Variants in SLIT3 observed in about 807,000 individuals in gnomAD.
SLIT3 encodes slit guidance ligand 3.
Under a neutral mutation model 184.0 loss-of-function variants are expected in SLIT3, and 68 were observed. The observed-to-expected ratio is 0.37, with a 90% CI of 0.30 to 0.45. The LOEUF is 0.45. SLIT3 is among the 20% of genes least tolerant of loss of function. The pLI is 1.00. For synonymous variants in SLIT3, 831 were observed against 828.6 expected, an observed-to-expected ratio of 1.00 and a Z score of -0.05; for missense variants, 1,707 against 2,026.0, an observed-to-expected ratio of 0.84 and a Z score of 3.02.
intron 3 of SLIT3, among the ~76,000 whole-genome samples, chr5:169,207,047 T>G (rs1764094281): frequency 1.4e-5 from 2 of 145,466 alleles, no homozygotes; most frequent in South Asian, 4.4e-4. Flanking sequence ...TCCTTATTCT[T>G]TTTTTTTTTT....
At chr5:168,766,385 G>A (rs1755346719) in intron 14 of SLIT3, among the ~76,000 whole-genome samples, 1 of 152,246 alleles carries the variant, frequency 6.6e-6, no homozygotes, top group Non-Finnish European at 1.5e-5. Flanking sequence ...AGGGTCATAA[G>A]TGATGAATGA....
chr5:168,888,769 G>T (rs933069907), intron 4 of SLIT3, among the ~76,000 whole-genome samples: 1 of 152,132 alleles, frequency 6.6e-6, no homozygotes, highest in Non-Finnish European at 1.5e-5. Context: ...GATCTTCAAA[G>T]CATTTATGTT....
chr5:169,183,454 T>A (rs1312098772), intron 4 of SLIT3, among the ~76,000 whole-genome samples: 1 of 152,180 alleles, frequency 6.6e-6, no homozygotes, highest in Non-Finnish European at 1.5e-5. Flanking sequence ...CCTACATGCC[T>A]CCTTTCTTGC....
chr5:169,009,714 A>G (rs1395880425), intron 4 of SLIT3, among the ~76,000 whole-genome samples: 1 of 152,224 alleles, frequency 6.6e-6, no homozygotes, highest in Non-Finnish European at 1.5e-5. Context: ...CACTTACTTC[A>G]GGTAAGACAT....
chr5:168,973,246 T>TATA (rs1554086475), intron 4 of SLIT3, among the ~76,000 whole-genome samples: 1 of 144,808 alleles, frequency 6.9e-6, no homozygotes, highest in East Asian at 2.0e-4. Flanking sequence ...AAATTTTAAT[T>TATA]ATTATTATTA....
intron 4 of SLIT3, among the ~76,000 whole-genome samples, chr5:169,062,808 C>A (rs1196965842): frequency 6.6e-6 from 1 of 152,182 alleles, no homozygotes; most frequent in Non-Finnish European, 1.5e-5. Flanking sequence ...TCATTTCCCC[C>A]TTCATGTTCC....
chr5:168,966,387 C>A (rs549609635), intron 4 of SLIT3, among the ~76,000 whole-genome samples: 2 of 151,230 alleles, frequency 1.3e-5, no homozygotes, highest in South Asian at 4.2e-4. Flanking sequence ...AAGAGAAAGG[C>A]AAAGCTTTGG....
At chr5:169,138,275 T>G (rs1051443584) in intron 4 of SLIT3, among the ~76,000 whole-genome samples, 4 of 152,204 alleles carry the variant, frequency 2.6e-5, no homozygotes, top group Non-Finnish European at 5.9e-5. Context: ...CTGGGCGATG[T>G]GACCTACAGC....
chr5:169,175,047 T>C (rs957264949), intron 4 of SLIT3, among the ~76,000 whole-genome samples: 9 of 152,208 alleles, frequency 5.9e-5, no homozygotes, highest in Non-Finnish European at 4.4e-5. Flanking sequence ...GGTGGGTCTG[T>C]GGATCCCACT....
At chr5:169,011,087 A>G (rs1331571852) in intron 4 of SLIT3, among the ~76,000 whole-genome samples, 1 of 152,170 alleles carries the variant, frequency 6.6e-6, no homozygotes, top group East Asian at 1.9e-4. Flanking sequence ...CTCTAAGTCT[A>G]TAAGGGCCGA....
chr5:168,772,362 A>C (rs1755585828), intron 14 of SLIT3: 1 of 195,324 alleles, frequency 5.1e-6, no homozygotes, highest in Non-Finnish European at 1.1e-5. Context: ...CCAAGATTAC[A>C]CACCGTCTGT....
chr5:168,861,755 G>T (rs1242130777), intron 5 of SLIT3, among the ~76,000 whole-genome samples: 2 of 152,218 alleles, frequency 1.3e-5, no homozygotes, highest in African/African-American at 4.8e-5. Context: ...TGTAAATGCT[G>T]TGAAGCAATT....
At chr5:169,038,470 C>G (rs1192602777) in intron 4 of SLIT3, among the ~76,000 whole-genome samples, 1 of 152,162 alleles carries the variant, frequency 6.6e-6, no homozygotes, top group East Asian at 1.9e-4. Flanking sequence ...ATGGGGTTTA[C>G]AAAAGGAAGA....
intron 4 of SLIT3, among the ~76,000 whole-genome samples, chr5:169,066,942 G>GAA (rs60977256): frequency 0.026 from 2,062 of 80,384 alleles, 63 homozygotes; most frequent in African/African-American, 0.069. Context: ...TCCCTTTCCT[G>GAA]AAAAAAAAAA....
At chr5:169,116,468 A>C (rs1391522603) in intron 4 of SLIT3, among the ~76,000 whole-genome samples, 1 of 152,218 alleles carries the variant, frequency 6.6e-6, no homozygotes, top group Non-Finnish European at 1.5e-5. Flanking sequence ...TCCAGGATGA[A>C]CGACCTAGTT....
chr5:169,108,881 AG>A (rs1262499889), intron 4 of SLIT3, among the ~76,000 whole-genome samples: 1 of 152,168 alleles, frequency 6.6e-6, no homozygotes, highest in Non-Finnish European at 1.5e-5. Context: ...ATCCTGGCTG[AG>A]TGAAGAAAAG....
chr5:168,977,961 G>A (rs919846123), intron 4 of SLIT3, among the ~76,000 whole-genome samples: 2 of 152,146 alleles, frequency 1.3e-5, no homozygotes, highest in African/African-American at 4.8e-5. Context: ...TGAAGTGAAG[G>A]CATTCCTCTG....
intron 4 of SLIT3, among the ~76,000 whole-genome samples, chr5:169,123,802 C>T (rs1760976583): frequency 1.3e-5 from 2 of 152,200 alleles, no homozygotes; most frequent in Admixed American, 6.5e-5. Context: ...GACTGGTCAA[C>T]AGCAAAAGTC....
At chr5:169,202,754 G>A (rs939259762) in intron 3 of SLIT3, among the ~76,000 whole-genome samples, 2 of 151,984 alleles carry the variant, frequency 1.3e-5, no homozygotes, top group Non-Finnish European at 1.5e-5. Flanking sequence ...TCCAGCTCAG[G>A]ACTCAAGTAT....
Sources: gnomAD v4.1 joint callset for allele counts (sites outside exome capture counted in the v4.1 genomes callset) on GRCh38, gnomAD v4.1.1 for gene constraint, MANE v1.5 for transcripts, NCBI Gene and HGNC (gene_info 2026-07-23, HGNC 2026-07-21) for gene names.